Variants in SHOC1 observed in about 807,000 individuals in gnomAD.
SHOC1 encodes the protein shortage in chiasmata 1, also known as protein shortage in chiasmata 1 ortholog.
In SHOC1, 136 loss-of-function variants were observed where a neutral mutation model predicts 179.2. The observed-to-expected ratio is 0.76, with a 90% CI of 0.66 to 0.87. SHOC1 has a LOEUF of 0.87. Among genes scored for constraint, SHOC1 ranks in the 40% least tolerant of loss-of-function variants. The pLI is 0.00. For missense variants in SHOC1, 1,538 were observed against 1,700.8 expected (o/e 0.90, Z 1.68); for synonymous variants, 489 against 586.6 (o/e 0.83, Z 2.41).
chr9:111,760,295 G>A (rs1480863098), intron 5 of SHOC1, among the ~76,000 whole-genome samples: 1 of 152,116 alleles, frequency 6.6e-6, no homozygotes, highest in Non-Finnish European at 1.5e-5. Flanking sequence ...ATTCTACCAA[G>A]GTTGTTTATA....
chr9:111,752,700 A>C (rs1834650140), intron 8 of SHOC1, among the ~76,000 whole-genome samples: 1 of 152,236 alleles, frequency 6.6e-6, no homozygotes, highest in Non-Finnish European at 1.5e-5. Flanking sequence ...AAAAGATGTA[A>C]AGAAAAATAT....
chr9:111,786,528 T>TTA (rs57555150), intron 2 of SHOC1, among the ~76,000 whole-genome samples: 4 of 133,282 alleles, frequency 3.0e-5, no homozygotes, highest in African/African-American at 1.2e-4. Context: ...TTTTTTTTTT[T>TTA]ACAAATTGAA....
intron 24 of SHOC1, among the ~76,000 whole-genome samples, 166 bp downstream of exon 24, chr9:111,699,788 C>A (rs149335136): frequency 6.6e-6 from 1 of 152,214 alleles, no homozygotes; most frequent in Non-Finnish European, 1.5e-5. Context: ...CCTTTTGGAA[C>A]AGAATAATGA....
rs763615910 is a variant in SHOC1 at position 111,727,964 on chromosome 9, CTT to C, written c.1501_1502del (p.Lys501GlufsTer15). ...GTACTTCTTTTGCCAGAGATGGACT[CTT>C]TTGTGGAAGTGATAAATGAGCATTT... ...STNAHLSLPQ[K>X]SPSLAKEVPD... On this transcript the variant is annotated frameshift_variant, in exon 13 of 28. Transcript: ENST00000682961. LOFTEE classifies it high-confidence loss of function. The C allele has an allele frequency of 6.2e-7, 1 of 1,612,728 alleles. No homozygotes were observed. The highest frequency in any genetic ancestry group is 1.1e-5 in the South Asian group (1 of 90,762).
chr9:111,747,785 A>C (rs937301718), intron 9 of SHOC1, among the ~76,000 whole-genome samples: 1 of 152,100 alleles, frequency 6.6e-6, no homozygotes. Context: ...GTGTTTCGTC[A>C]TATTGACCAG....
chr9:111,732,870 G>T lies in SHOC1; in HGVS notation c.1418-4821C>A, dbSNP rs145381541. Among the ~76,000 whole-genome samples, 1,325 of 152,244 alleles carry T rather than the reference G, an allele frequency of 8.7e-3. 22 individuals are homozygous for T. The highest frequency in any genetic ancestry group is 0.03 in the African/African-American group (1,257 of 41,524). On this transcript the variant is annotated intron_variant, in intron 12 of 27. Transcript: ENST00000682961. Reference sequence around the variant, plus strand: ...CTTAATTGTAGTGGTAGTTTCACAGGCATATACTTGTCAAAATTCATCAAA... The same window carrying T: ...CTTAATTGTAGTGGTAGTTTCACAGTCATATACTTGTCAAAATTCATCAAA...
chr9:111,780,652 A>G (rs1836003086), intron 4 of SHOC1, among the ~76,000 whole-genome samples: 1 of 152,196 alleles, frequency 6.6e-6, no homozygotes, highest in Admixed American at 6.5e-5. Flanking sequence ...ATAGGTGGAA[A>G]AAAGACTAAT....
chr9:111,759,646 T>G, intron 5 of SHOC1: 128 of 752,302 alleles, frequency 1.7e-4, no homozygotes, highest in Non-Finnish European at 1.9e-4. Context: ...GATGAAGAAC[T>G]ACTCAAAAAG....
Position 111,713,129 on chromosome 9 carries a change from A to C in SHOC1, c.2459T>G (p.Phe820Cys), listed in dbSNP as rs1440462312. The C allele has an allele frequency of 1.3e-6, 2 of 1,574,100 alleles. No individual in the cohort carries two copies. Among genetic ancestry groups the C allele is most frequent in the South Asian group, 2.3e-5 (2 of 88,670 alleles). The change falls in exon 18 of 28, where the codon TTT becomes TGT. Residue 820 changes from phenylalanine to cysteine, a missense_variant. By Grantham distance (205) the Phe-to-Cys change is radical (BLOSUM62 -2). Coordinates refer to ENST00000682961, the MANE Select transcript of SHOC1 (RefSeq NM_001378211.1). The part of the protein sequence containing the change: ...IRMDSDGEKH[F>C]LIKILNKIEG... ...TATTTTGTTAAGAATTTTAATGAGAAAATGTTTTTCACCGTCTGAGTCCAT... is the reference window on the plus strand; with the variant it reads ...TATTTTGTTAAGAATTTTAATGAGACAATGTTTTTCACCGTCTGAGTCCAT...
chr9:111,700,814 T>G (rs1831936999), intron 23 of SHOC1, among the ~76,000 whole-genome samples: 1 of 152,006 alleles, frequency 6.6e-6, no homozygotes, highest in Non-Finnish European at 1.5e-5. Flanking sequence ...AGTCTAGAAC[T>G]TTGATTAAGT....
rs183527974 is a variant in SHOC1 at position 111,705,412 on chromosome 9, C to A, written c.2738-48G>T. ...ATATTTCTCTTTTATTCTCATCTCC[C>A]AGCTCTTTCTCTTTTTTTTTTTACT... is the stretch of plus-strand genomic sequence containing the variant. On this transcript the variant is annotated intron_variant, in intron 20 of 27. Coordinates refer to ENST00000682961, the MANE Select transcript of SHOC1 (RefSeq NM_001378211.1). 2.0e-4 allele frequency: 173 copies of A among 876,248 alleles called. 3 individuals carry two copies. Among genetic ancestry groups the A allele is most frequent in the Middle Eastern group, 1.5e-3 (4 of 2,702 alleles). 54.3% of individuals were successfully genotyped at this position (876,248 alleles called of 1,614,324 possible).
At chr9:111,699,467 A>G (rs1831860638) in intron 24 of SHOC1, among the ~76,000 whole-genome samples, 1 of 152,192 alleles carries the variant, frequency 6.6e-6, no homozygotes, top group Non-Finnish European at 1.5e-5. Flanking sequence ...GGAATCTCTA[A>G]GTTTATAAAG....
chr9:111,721,489 G>T (rs1331299877), intron 15 of SHOC1, among the ~76,000 whole-genome samples: 1 of 152,020 alleles, frequency 6.6e-6, no homozygotes, highest in Non-Finnish European at 1.5e-5. Flanking sequence ...ACAGGTGCCC[G>T]CCACCACACC....
intron 11 of SHOC1, among the ~76,000 whole-genome samples, chr9:111,740,083 ATT>A (rs1227354136): frequency 6.6e-6 from 1 of 151,950 alleles, no homozygotes; most frequent in Middle Eastern, 3.2e-3. Flanking sequence ...CTTAAGAGAA[ATT>A]TTTTTTCTTT....
At position 111,748,075 on chromosome 9, in the gene SHOC1, T is replaced by G. The variant is rs372327800; in HGVS notation, c.970+17A>C. ...AGGTAATCCCCAATAAGCTCAATGA[T>G]TTATCAAAATTTCTACCTGGTTTAC... On this transcript the variant is annotated intron_variant, in intron 9 of 27. Coordinates refer to ENST00000682961, the MANE Select transcript of SHOC1 (RefSeq NM_001378211.1). 11 of 1,552,418 alleles carry G rather than the reference T, an allele frequency of 7.1e-6. No homozygotes were observed. The highest frequency in any genetic ancestry group is 1.7e-4 in the Middle Eastern group (1 of 5,958).
intron 1 of SHOC1, among the ~76,000 whole-genome samples, 155 bp downstream of exon 1, chr9:111,794,745 G>GT (rs1836566287): frequency 6.6e-6 from 1 of 152,092 alleles, no homozygotes; most frequent in East Asian, 1.9e-4. Flanking sequence ...TGGGTCTGGG[G>GT]TTTTGTCTCT....
At chr9:111,726,774 T>C (rs950536239) in intron 13 of SHOC1, among the ~76,000 whole-genome samples, 1 of 152,192 alleles carries the variant, frequency 6.6e-6, no homozygotes, top group Non-Finnish European at 1.5e-5. Context: ...CTCAACAATG[T>C]TTCTAAACAG....
chr9:111,793,627 TAGAG>T (rs1185495458), intron 1 of SHOC1, among the ~76,000 whole-genome samples: 1 of 151,710 alleles, frequency 6.6e-6, no homozygotes, highest in Non-Finnish European at 1.5e-5. Flanking sequence ...AAATCATGGT[TAGAG>T]AGAGGGTAAT....
intron 5 of SHOC1, among the ~76,000 whole-genome samples, chr9:111,771,830 CT>C (rs1360638625): frequency 6.6e-6 from 1 of 152,166 alleles, no homozygotes; most frequent in Admixed American, 6.5e-5. Context: ...TCTCTTGCTG[CT>C]TTTGAGATCC....
Sources: gnomAD v4.1 joint callset for allele counts (sites outside exome capture counted in the v4.1 genomes callset) on GRCh38, gnomAD v4.1.1 for gene constraint, MANE v1.5 for transcripts, NCBI Gene and HGNC (gene_info 2026-07-23, HGNC 2026-07-21) for gene names.